HSD17B2: variants seen among roughly 807,000 people sequenced by gnomAD.
The protein encoded by HSD17B2 is hydroxysteroid 17-beta dehydrogenase 2, also known as 17-beta-hydroxysteroid dehydrogenase type 2.
In HSD17B2, 32 loss-of-function variants were observed where a neutral mutation model predicts 26.9. The observed-to-expected ratio is 1.19, with a 90% confidence interval of 0.90 to 1.60. The LOEUF is 1.60. HSD17B2 is among the 40% of genes most tolerant of loss of function. The probability of loss-of-function intolerance (pLI) is 0.00; values close to 1 mark genes in which losing one functional copy is unlikely to be tolerated. For synonymous variants in HSD17B2, 246 were observed against 186.7 expected, an observed-to-expected ratio of 1.32 and a Z score of -2.59; for missense variants, 613 against 468.6, an observed-to-expected ratio of 1.31 and a Z score of -2.85.
intron 1 of HSD17B2, among the ~76,000 whole-genome samples, chr16:82,045,454 C>G (rs1913897130): frequency 6.6e-6 from 1 of 152,202 alleles, no homozygotes; most frequent in South Asian, 2.1e-4. Flanking sequence ...AAGTATTAAG[C>G]AAGATTGTGA....
At chr16:82,042,220 G>C (rs966492103) in intron 1 of HSD17B2, among the ~76,000 whole-genome samples, 7 of 151,918 alleles carry the variant, frequency 4.6e-5, no homozygotes, top group African/African-American at 1.7e-4. Context: ...GACCAGGCTG[G>C]GCTTGAACCC....
intron 3 of HSD17B2, 90 bp downstream of exon 3, chr16:82,071,217 A>G (rs1914691344): frequency 2.4e-6 from 3 of 1,261,514 alleles, no homozygotes; most frequent in African/African-American, 2.9e-5. Context: ...AATGCAGGGC[A>G]TGCAAAGGCA....
chr16:82,057,204 C>CT (rs34353182), intron 1 of HSD17B2, among the ~76,000 whole-genome samples: 4,402 of 143,760 alleles, frequency 0.031, 188 homozygotes, highest in African/African-American at 0.091. Flanking sequence ...CTTTTCTTTT[C>CT]TTTTTTTTTT....
intron 1 of HSD17B2, among the ~76,000 whole-genome samples, chr16:82,054,532 A>T (rs1914208087): frequency 6.6e-6 from 1 of 152,150 alleles, no homozygotes. Context: ...TTTAGTAGAC[A>T]TGGGGTTTCA....
At chr16:82,091,139 C>G (rs941908673) in intron 4 of HSD17B2, 100 bp downstream of exon 4, 1 of 1,135,280 alleles carries the variant, frequency 8.8e-7, no homozygotes, top group Non-Finnish European at 1.3e-6. Flanking sequence ...TCATTGTTGT[C>G]AAAGATGAGC....
rs146989286 is a variant in HSD17B2, at chr16:82,074,921, T to C, written c.664+3794T>C. 1.7e-4 allele frequency among the ~76,000 whole-genome samples: 26 copies of C among 152,316 alleles called. No homozygotes were observed. The East Asian group carries it at 4.6e-3, about 27-fold the overall frequency. On this transcript the variant is annotated intron_variant, in intron 3 of 4. Transcript: ENST00000199936. ...TGCATTCTTCTCCTGAGCACATGGA[T>C]CGTTCTCAAGGATAGACCATATGTT...
chr16:82,096,793 T>C (rs1904852862), intron 4 of HSD17B2: 1 of 152,136 alleles, frequency 6.6e-6, no homozygotes, highest in South Asian at 2.1e-4. Context: ...AATACTATGC[T>C]GAAAGGAGAA....
At chr16:82,081,618 G>A (rs1259206417) in intron 3 of HSD17B2, among the ~76,000 whole-genome samples, 1 of 152,168 alleles carries the variant, frequency 6.6e-6, no homozygotes, top group Non-Finnish European at 1.5e-5. Flanking sequence ...TGACCACATA[G>A]GAGCGTTCTG....
chr16:82,051,481 C>T (rs1914103817), intron 1 of HSD17B2, among the ~76,000 whole-genome samples: 1 of 152,078 alleles, frequency 6.6e-6, no homozygotes, highest in South Asian at 2.1e-4. Context: ...AAACCAAGTA[C>T]CGCATGTTCT....
intron 3 of HSD17B2, 32 bp from the exon 4 acceptor site, chr16:82,090,870 C>T (rs1904671550): frequency 1.3e-6 from 2 of 1,576,722 alleles, no homozygotes; most frequent in Middle Eastern, 1.7e-4. Context: ...ACATTTCTAA[C>T]TTTGCTTCTT....
intron 3 of HSD17B2, among the ~76,000 whole-genome samples, chr16:82,074,819 T>A (rs147819691): frequency 1.9e-3 from 289 of 152,256 alleles, no homozygotes; most frequent in African/African-American, 6.7e-3. Flanking sequence ...TAAAGAAACA[T>A]CAAACTTAAT....
intron 3 of HSD17B2, among the ~76,000 whole-genome samples, chr16:82,073,185 G>A (rs949566004): frequency 1.3e-5 from 2 of 151,936 alleles, no homozygotes; most frequent in African/African-American, 4.8e-5. Flanking sequence ...AACTCTGAAT[G>A]TTAAAATAAA....
intron 1 of HSD17B2, among the ~76,000 whole-genome samples, chr16:82,047,692 A>G (rs1287096790): frequency 2.0e-5 from 3 of 152,182 alleles, no homozygotes; most frequent in Non-Finnish European, 4.4e-5. Context: ...TTGCTGTCTT[A>G]TTGGACCTAG....
At chr16:82,076,278 G>A (rs2143993538) in intron 3 of HSD17B2, among the ~76,000 whole-genome samples, 1 of 152,290 alleles carries the variant, frequency 6.6e-6, no homozygotes, top group East Asian at 1.9e-4. Flanking sequence ...TATAGCTACT[G>A]TCATGCTGAA....
Position 82,071,129 on chromosome 16 carries a change from T to C in HSD17B2, c.664+2T>C. The stretch of plus-strand genomic sequence containing the variant: ...TGGTGAATGTCAGCAGCATGGGAGG[T>C]GAGTCAGCATTTTCACACATGGTCA... On this transcript the variant is annotated splice_donor_variant, in intron 3 of 4. Coordinates refer to ENST00000199936, the MANE Select transcript of HSD17B2 (RefSeq NM_002153.3). LOFTEE classifies it high-confidence loss of function. 1 of 1,613,800 alleles carries C rather than the reference T, an allele frequency of 6.2e-7. No individual in the cohort carries two copies. Among genetic ancestry groups the C allele is most frequent in the Non-Finnish European group, 8.5e-7 (1 of 1,179,860 alleles).
At chr16:82,036,615 G>C (rs536572585) in intron 1 of HSD17B2, among the ~76,000 whole-genome samples, 76 of 152,262 alleles carry the variant, frequency 5.0e-4, no homozygotes, top group African/African-American at 1.8e-3. Context: ...TCTGGGGCTT[G>C]ACAATTTGCA....
At chr16:82,053,455 A>AT (rs1914169573) in intron 1 of HSD17B2, among the ~76,000 whole-genome samples, 2 of 152,084 alleles carry the variant, frequency 1.3e-5, no homozygotes, top group African/African-American at 4.8e-5. Context: ...TTATTTATTT[A>AT]TTATTAAAGT....
In HSD17B2 at chr16:82,035,708, A is replaced by C. The variant is rs1913607916; in HGVS notation, c.265+19A>C. 2.5e-6 allele frequency: 4 copies of C among 1,608,758 alleles called. No individual in the cohort carries two copies. Among genetic ancestry groups the C allele is most frequent in the Admixed American group, 3.3e-5 (2 of 59,790 alleles). On this transcript the variant is annotated intron_variant, in intron 1 of 4. Coordinates refer to ENST00000199936, the MANE Select transcript of HSD17B2 (RefSeq NM_002153.3). ...GTGACAGGTAAGCAGACGGTGCTAC[A>C]ATTTTCACTGAGGGTATGATCTGAA...
chr16:82,062,776 T>C (rs1003518445), intron 1 of HSD17B2, among the ~76,000 whole-genome samples: 8 of 152,376 alleles, frequency 5.3e-5, no homozygotes, highest in Admixed American at 2.6e-4. Flanking sequence ...GTAACTCTTA[T>C]GAAACACTTC....
Sources: allele counts gnomAD v4.1 joint callset (sites outside exome capture counted in the v4.1 genomes callset), GRCh38; gene constraint gnomAD v4.1.1; transcripts MANE v1.5; gene names NCBI Gene and HGNC (gene_info 2026-07-23, HGNC 2026-07-21).